The following C9orf72 variants were observed in gnomAD, a reference collection of about 807,000 sequenced individuals.
C9orf72 encodes guanine nucleotide exchange factor C9orf72.
A neutral mutation model predicts 51.6 loss-of-function variants in C9orf72; 44 were observed. That is an observed-to-expected ratio of 0.85 (90% CI 0.67 to 1.10). The LOEUF is 1.10. Among genes scored for constraint, C9orf72 ranks in the 50% least tolerant of loss-of-function variants. The pLI is 0.00. For missense variants in C9orf72, 607 were observed against 570.6 expected (o/e 1.06, Z -0.65); for synonymous variants, 213 against 194.2 (o/e 1.10, Z -0.81).
At chr9:27,573,619 A>C (rs986794891), upstream of C9orf72, 2 of 150,876 alleles carry the variant, frequency 1.3e-5, no homozygotes, top group Admixed American at 1.3e-4. Context: ...CTTCTGGTTA[A>C]TCTTTATCAG....
At position 27,547,670 on chromosome 9, in the gene C9orf72, T is replaced by C. The variant is rs1231821229; in HGVS notation, c.*566A>G. The stretch of plus-strand genomic sequence containing the variant: ...TACAGACTGAATCCCAGGGACTAAA[T>C]CCACAAAGTAGGATCTAATAATCAA... On this transcript the variant is annotated 3_prime_UTR_variant, in exon 11 of 11. Coordinates refer to ENST00000380003, the MANE Select transcript of C9orf72 (RefSeq NM_018325.5). 4 of 152,526 alleles carry C rather than the reference T, an allele frequency of 2.6e-5. No individual in the cohort carries two copies. The highest frequency in any genetic ancestry group is 1.3e-4 in the Admixed American group (2 of 15,280). 9.4% of individuals were successfully genotyped at this position (152,526 alleles called of 1,614,324 possible). A position where few individuals can be genotyped will look rare whatever the true frequency, so the allele number is the denominator to read the frequency against.
rs749427700 is a variant in C9orf72, at chr9:27,560,313, A to G, written c.666-14T>C. On this transcript the variant is annotated splice_polypyrimidine_tract_variant and intron_variant, in intron 5 of 10. Coordinates refer to ENST00000380003, the MANE Select transcript of C9orf72 (RefSeq NM_018325.5). The stretch of plus-strand genomic sequence containing the variant: ...GAGCTGATGGCACTGTAAGTTAAAG[A>G]AAACAGATTAAAAACATTGCCTATA... 1.9e-5 allele frequency: 31 copies of G among 1,590,554 alleles called. No individual in the cohort carries two copies. Among genetic ancestry groups the G allele is most frequent in the Non-Finnish European group, 1.5e-5 (18 of 1,168,854 alleles).
chr9:27,550,556 G>A lies in C9orf72; in HGVS notation c.1149+94C>T, dbSNP rs527303843. 2.7e-4 allele frequency: 196 copies of A among 737,622 alleles called. 1 individual carries two copies. The African/African-American group carries it at 3.4e-3, about 13-fold the overall frequency. The allele number at this position is 737,622 out of a possible 1,614,324, so 45.7% of individuals were successfully genotyped here. On this transcript the variant is annotated intron_variant, in intron 9 of 10. Transcript: ENST00000380003. ...GCAGAACTCTGGGGCATGATCCAGGGGAATATAAATATATAGAACAGGCAT... is the reference window on the plus strand; with the variant it reads ...GCAGAACTCTGGGGCATGATCCAGGAGAATATAAATATATAGAACAGGCAT...
intron 1 of C9orf72, among the ~76,000 whole-genome samples, chr9:27,570,587 C>T (rs754623911): frequency 7.9e-5 from 12 of 151,976 alleles, no homozygotes; most frequent in Non-Finnish European, 1.6e-4. Flanking sequence ...AAAAATGGGC[C>T]GGGCATGGTG....
Position 27,569,083 on chromosome 9 carries a change from T to TA in C9orf72, c.-44-1920dup, listed in dbSNP as rs1008354182. Among the ~76,000 whole-genome samples, 1,153 of 145,522 alleles carry TA rather than the reference T, an allele frequency of 7.9e-3. 12 individuals carry two copies. Among genetic ancestry groups the TA allele is most frequent in the African/African-American group, 0.027 (1,071 of 39,586 alleles). On this transcript the variant is annotated intron_variant, in intron 1 of 10. Coordinates refer to ENST00000380003, the MANE Select transcript of C9orf72 (RefSeq NM_018325.5). ...GTTTTTAACAAAAACGACTAACAAG[T>TA]AAAAAAAAAAATTTAAAATAGAAAA...
At position 27,556,597 on chromosome 9, in the gene C9orf72, G is replaced by C. The variant is rs557931293; in HGVS notation, c.1055C>G (p.Thr352Arg). 27 of 1,613,672 alleles carry C rather than the reference G, an allele frequency of 1.7e-5. No homozygotes were observed. The South Asian group carries it at 2.7e-4, about 16-fold the overall frequency. Reference sequence around the variant, plus strand: ...AAAGCTTTCGTCAGTGTAGATGATCGTATCCTGAGCCATGTCTTCTTCTGA... The same window carrying C: ...AAAGCTTTCGTCAGTGTAGATGATCCTATCCTGAGCCATGTCTTCTTCTGA... ...ATSEEDMAQD[T>R]IIYTDESFTP... The change falls in exon 8 of 11, where the codon ACG becomes AGG. Residue 352 changes from threonine to arginine, a missense_variant. By Grantham distance (71) the Thr-to-Arg change is moderately conservative. Coordinates refer to ENST00000380003, the MANE Select transcript of C9orf72 (RefSeq NM_018325.5).
rs11418499 is a variant in C9orf72 at position 27,568,086 on chromosome 9, CA to C, written c.-44-923del. Among the ~76,000 whole-genome samples, 248 of 80,590 alleles carry C rather than the reference CA, an allele frequency of 3.1e-3. 1 individual carries two copies. The highest frequency in any genetic ancestry group is 0.011 in the African/African-American group (212 of 20,084). 52.9% of individuals were successfully genotyped at this position (80,590 alleles called of 152,430 possible). On this transcript the variant is annotated intron_variant, in intron 1 of 10. Transcript: ENST00000380003. ...AAATACTTTAAAGCCGCTAAAAGGTCAAAAAAAAAAAAAAAAAAAAAGACAT... is the reference window on the plus strand; with the variant it reads ...AAATACTTTAAAGCCGCTAAAAGGTCAAAAAAAAAAAAAAAAAAAAGACAT...
At chr9:27,570,445 A>G (rs1198926420) in intron 1 of C9orf72, among the ~76,000 whole-genome samples, 1 of 152,252 alleles carries the variant, frequency 6.6e-6, no homozygotes, top group Non-Finnish European at 1.5e-5. Context: ...ACTGAAAATA[A>G]AAGTATTTCC....
Position 27,561,951 on chromosome 9 carries a change from G to C in C9orf72, c.601-302C>G, listed in dbSNP as rs1328036552. Among the ~76,000 whole-genome samples, 3 of 152,218 alleles carry C rather than the reference G, an allele frequency of 2.0e-5. No homozygotes were observed. In the East Asian group the frequency reaches 5.8e-4, roughly 29 times the overall value. Reference sequence around the variant, plus strand: ...AAAACAACAAGAATAGTTTCCTAAAGGTATCTCTTAACACTCATAGTGTGT... The same window carrying C: ...AAAACAACAAGAATAGTTTCCTAAACGTATCTCTTAACACTCATAGTGTGT... On this transcript the variant is annotated intron_variant, in intron 4 of 10. Coordinates refer to ENST00000380003, the MANE Select transcript of C9orf72 (RefSeq NM_018325.5).
Position 27,546,882 on chromosome 9 carries a change from A to G in C9orf72, c.*1354T>C, listed in dbSNP as rs1820780151. The G allele has an allele frequency of 6.6e-6, 1 of 152,182 alleles. No homozygotes were observed. The highest frequency in any genetic ancestry group is 2.4e-5 in the African/African-American group (1 of 41,458). The allele number at this position is 152,182 out of a possible 1,614,324, so 9.4% of individuals were successfully genotyped here. A position where few individuals can be genotyped will look rare whatever the true frequency, so the allele number is the denominator to read the frequency against. Reference sequence around the variant, plus strand: ...CTATTATGACCTTTCACATTCGAACATGTCATTTTGTTGTGTAAATTTGGT... The same window carrying G: ...CTATTATGACCTTTCACATTCGAACGTGTCATTTTGTTGTGTAAATTTGGT... On this transcript the variant is annotated 3_prime_UTR_variant, in exon 11 of 11. Transcript: ENST00000380003.
chr9:27,553,746 A>G (rs374126060), intron 8 of C9orf72, among the ~76,000 whole-genome samples: 2 of 152,156 alleles, frequency 1.3e-5, no homozygotes, highest in Non-Finnish European at 2.9e-5. Flanking sequence ...GAAACTATCA[A>G]CAGAGTAAAA....
intron 1 of C9orf72, among the ~76,000 whole-genome samples, chr9:27,568,836 CTTTTT>C (rs879307887): frequency 6.9e-6 from 1 of 145,550 alleles, no homozygotes; most frequent in Non-Finnish European, 1.5e-5. Context: ...ACTCCTTCTA[CTTTTT>C]TTTTTTTTAA....
intron 8 of C9orf72, among the ~76,000 whole-genome samples, chr9:27,555,669 T>C (rs1280304032): frequency 6.6e-6 from 1 of 151,506 alleles, no homozygotes; most frequent in Non-Finnish European, 1.5e-5. Context: ...CAAAAGATCC[T>C]CCTGCCTCAG....
chr9:27,556,893 A>G (rs1297615949), intron 7 of C9orf72, 97 bp from the exon 8 acceptor site: 1 of 797,116 alleles, frequency 1.3e-6, no homozygotes, highest in African/African-American at 1.7e-5. Flanking sequence ...TAGCAAATCC[A>G]TCTCTAAAAA....
chr9:27,557,343 C>A (rs17835861), intron 7 of C9orf72, among the ~76,000 whole-genome samples: 1 of 151,890 alleles, frequency 6.6e-6, no homozygotes, highest in Non-Finnish European at 1.5e-5. Flanking sequence ...GTTGGGGTAG[C>A]CAGTTACCAT....
At chr9:27,559,018 T>C (rs937469201) in intron 6 of C9orf72, 2 of 153,564 alleles carry the variant, frequency 1.3e-5, no homozygotes, top group African/African-American at 2.4e-5. Flanking sequence ...GAATTAATTA[T>C]TGAATTTGAT....
Position 27,548,049 on chromosome 9 carries a change from C to T in C9orf72, c.*187G>A, listed in dbSNP as rs998072075. 1.4e-5 allele frequency: 6 copies of T among 417,254 alleles called. No individual in the cohort carries two copies. The highest frequency in any genetic ancestry group is 4.1e-5 in the African/African-American group (2 of 48,666). The allele number at this position is 417,254 out of a possible 1,614,324, so 25.8% of individuals were successfully genotyped here. Reference sequence around the variant, plus strand: ...AAAAGCATAAATCTAGGAAAAGAGACACCCAATGTAATGATGCACCTGACA... The same window carrying T: ...AAAAGCATAAATCTAGGAAAAGAGATACCCAATGTAATGATGCACCTGACA... On this transcript the variant is annotated 3_prime_UTR_variant, in exon 11 of 11. Transcript: ENST00000380003.
chr9:27,553,804 C>A (rs528365033), intron 8 of C9orf72, among the ~76,000 whole-genome samples: 1 of 152,132 alleles, frequency 6.6e-6, no homozygotes, highest in East Asian at 1.9e-4. Flanking sequence ...ATGTATCCAA[C>A]AAAGGGATAT....
intron 3 of C9orf72, among the ~76,000 whole-genome samples, 186 bp downstream of exon 3, chr9:27,565,345 G>A (rs964852866): frequency 4.0e-5 from 6 of 151,628 alleles, no homozygotes; most frequent in African/African-American, 1.2e-4. Flanking sequence ...ATTTTCCTTT[G>A]TTTACTGATT....
Sources: allele counts gnomAD v4.1 joint callset (sites outside exome capture counted in the v4.1 genomes callset), GRCh38; gene constraint gnomAD v4.1.1; transcripts MANE v1.5; gene names NCBI Gene and HGNC (gene_info 2026-07-23, HGNC 2026-07-21).